Variants in TSPAN15 observed in about 807,000 individuals in gnomAD.
TSPAN15 encodes tetraspanin 15.
A neutral mutation model predicts 34.5 loss-of-function variants in TSPAN15; 20 were observed. The ratio of observed to expected loss-of-function variants is 0.58; its 90% CI spans 0.41 to 0.84. The LOEUF (loss-of-function observed/expected upper bound fraction) is 0.84. Among genes scored for constraint, TSPAN15 ranks in the 40% least tolerant of loss-of-function variants. TSPAN15 has a pLI of 0.00. For missense variants in TSPAN15, 313 were observed against 386.1 expected (o/e 0.81, Z 1.59); for synonymous variants, 155 against 153.9 (o/e 1.01, Z -0.05).
chr10:69,515,923 G>C, the TSPAN15 span, among the ~76,000 whole-genome samples: 1 of 152,186 alleles, frequency 6.6e-6, no homozygotes, highest in African/African-American at 2.4e-5. Context: ...TCTGCTTTCC[G>C]CCCCCTACCC....
chr10:69,496,043 A>T (rs1564613693), intron 4 of TSPAN15, among the ~76,000 whole-genome samples: 1 of 152,188 alleles, frequency 6.6e-6, no homozygotes, highest in East Asian at 1.9e-4. Flanking sequence ...ATGGGCAAGG[A>T]TCCTCCTTCC....
chr10:69,511,502 G>T (rs961616690), downstream of TSPAN15, among the ~76,000 whole-genome samples: 1 of 151,820 alleles, frequency 6.6e-6, no homozygotes, highest in Non-Finnish European at 1.5e-5. Context: ...GGTCTATTTT[G>T]TTAATCTTTT....
intron 1 of TSPAN15, among the ~76,000 whole-genome samples, chr10:69,479,158 A>G (rs1391755889): frequency 6.6e-6 from 1 of 152,158 alleles, no homozygotes; most frequent in African/African-American, 2.4e-5. Flanking sequence ...AGAGCCTAGT[A>G]TTTGCCTTTT....
intron 1 of TSPAN15, among the ~76,000 whole-genome samples, chr10:69,474,061 C>T (rs1314624682): frequency 1.3e-5 from 2 of 152,096 alleles, no homozygotes; most frequent in South Asian, 4.1e-4. Context: ...TTCTATATGC[C>T]TGATTCAGCC....
intron 1 of TSPAN15, among the ~76,000 whole-genome samples, chr10:69,454,851 C>T (rs1167655740): frequency 6.6e-6 from 1 of 151,966 alleles, no homozygotes; most frequent in Non-Finnish European, 1.5e-5. Context: ...GATAGAAATG[C>T]ATGCATGGGC....
At chr10:69,520,885 G>A in the TSPAN15 span, among the ~76,000 whole-genome samples, 1 of 152,142 alleles carries the variant, frequency 6.6e-6, no homozygotes, top group African/African-American at 2.4e-5. Flanking sequence ...TTAGCTTTTT[G>A]AAGAACTGCT....
the TSPAN15 span, among the ~76,000 whole-genome samples, chr10:69,536,642 T>C: frequency 6.6e-6 from 1 of 152,144 alleles, no homozygotes; most frequent in African/African-American, 2.4e-5. Flanking sequence ...TCTTGCTGTG[T>C]CCTTTTCTCT....
At chr10:69,495,767 GGGTGAGGGACCA>G (rs767855139) in intron 4 of TSPAN15, 78 bp downstream of exon 4, 34 of 1,031,390 alleles carry the variant, frequency 3.3e-5, no homozygotes, top group Non-Finnish European at 3.6e-5. Flanking sequence ...CAAGAAGATG[GGGTGAGGGACCA>G]GGTGACTTAT....
intron 1 of TSPAN15, among the ~76,000 whole-genome samples, chr10:69,455,551 C>T (rs1841072303): frequency 7.9e-6 from 1 of 127,282 alleles, no homozygotes; most frequent in African/African-American, 2.8e-5. Context: ...TCTTTCTTCT[C>T]TCTCTCTCTT....
the TSPAN15 span, among the ~76,000 whole-genome samples, chr10:69,522,510 A>G: frequency 6.9e-6 from 1 of 145,080 alleles, no homozygotes; most frequent in Non-Finnish European, 1.5e-5. Context: ...ATATATCAGG[A>G]GTCTCTGACC....
intron 1 of TSPAN15, among the ~76,000 whole-genome samples, chr10:69,474,945 G>T (rs1218314777): frequency 2.6e-5 from 4 of 152,088 alleles, no homozygotes; most frequent in Non-Finnish European, 4.4e-5. Flanking sequence ...AGCGGGGTCT[G>T]GGGGGGCCTG....
chr10:69,485,101 C>A (rs746888033), intron 2 of TSPAN15, 40 bp from the exon 3 acceptor site: 2 of 1,595,436 alleles, frequency 1.3e-6, no homozygotes, highest in Non-Finnish European at 1.7e-6. Context: ...CACACGCCCA[C>A]TGCTCCTCTC....
At chr10:69,470,419 C>G (rs1841479741) in intron 1 of TSPAN15, among the ~76,000 whole-genome samples, 1 of 152,186 alleles carries the variant, frequency 6.6e-6, no homozygotes, top group African/African-American at 2.4e-5. Context: ...GTGAGACTCC[C>G]CTGCTTAAAT....
chr10:69,454,645 T>C (rs1841044411), intron 1 of TSPAN15, among the ~76,000 whole-genome samples: 1 of 151,954 alleles, frequency 6.6e-6, no homozygotes, highest in African/African-American at 2.4e-5. Flanking sequence ...GATGAAACTC[T>C]GTCTCTACTA....
In TSPAN15 at chr10:69,506,609, G is replaced by A. The variant is rs897039478; in HGVS notation, c.736-220G>A. On this transcript the variant is annotated intron_variant, in intron 7 of 7. Coordinates refer to ENST00000373290, the MANE Select transcript of TSPAN15 (RefSeq NM_012339.5). The surrounding 1 kb of genome is among the most constrained non-coding windows in gnomAD (Gnocchi z 4.7). ...GGGGCCCTTGCTGATGGGGCACAGC[G>A]AGGCGCTCTGGGATTTCCTGGGAAG... 5.9e-5 allele frequency among the ~76,000 whole-genome samples: 9 copies of A among 152,176 alleles called. No homozygotes were observed. The highest frequency in any genetic ancestry group is 2.9e-5 in the Non-Finnish European group (2 of 68,026).
At chr10:69,454,249 G>T (rs1841035237) in intron 1 of TSPAN15, among the ~76,000 whole-genome samples, 1 of 152,206 alleles carries the variant, frequency 6.6e-6, no homozygotes, top group African/African-American at 2.4e-5. Context: ...CGGGCCCGGT[G>T]GCTCATGCTT....
the TSPAN15 span, among the ~76,000 whole-genome samples, chr10:69,535,070 T>A: frequency 9.2e-5 from 14 of 152,184 alleles, no homozygotes; most frequent in Non-Finnish European, 1.9e-4. Flanking sequence ...TCTTAAAATA[T>A]TTACATATTT....
At chr10:69,491,044 G>A (rs565506781) in intron 3 of TSPAN15, among the ~76,000 whole-genome samples, 1 of 152,320 alleles carries the variant, frequency 6.6e-6, no homozygotes, top group East Asian at 1.9e-4. Flanking sequence ...GTCAGGGAGT[G>A]AGGCTGGAGC....
At chr10:69,527,919 A>G in the TSPAN15 span, among the ~76,000 whole-genome samples, 1 of 147,892 alleles carries the variant, frequency 6.8e-6, no homozygotes, top group Non-Finnish European at 1.5e-5. Context: ...TACTTTGATG[A>G]CGGTTATATA....
Sources: allele counts gnomAD v4.1 joint callset (sites outside exome capture counted in the v4.1 genomes callset), GRCh38; gene constraint gnomAD v4.1.1; non-coding constraint Gnocchi (gnomAD v3.1); transcripts MANE v1.5; gene names NCBI Gene and HGNC (gene_info 2026-07-23, HGNC 2026-07-21).